The following PHF14 variants were observed in gnomAD, a reference collection of about 807,000 sequenced individuals.
PHF14 encodes PHD finger protein 14.
In PHF14, 55 loss-of-function variants were observed where a neutral mutation model predicts 117.9. The observed-to-expected ratio is 0.47, with a 90% CI of 0.38 to 0.58. The LOEUF (loss-of-function observed/expected upper bound fraction) is 0.58, where lower values mean the gene tolerates loss of function less well. Among genes scored for constraint, PHF14 ranks in the 20% least tolerant of loss-of-function variants. The pLI is 0.00. For synonymous variants in PHF14, 409 were observed against 368.6 expected (o/e 1.11, Z -1.26); for missense variants, 978 against 1,122.2 (o/e 0.87, Z 1.84).
intron 13 of PHF14, among the ~76,000 whole-genome samples, chr7:11,051,332 C>T (rs1252187964): frequency 6.6e-6 from 1 of 151,968 alleles, no homozygotes; most frequent in East Asian, 1.9e-4. Context: ...CCTTTTTAAT[C>T]AGTGTTGAAT....
chr7:10,993,620 G>A (rs1782534900), intron 4 of PHF14, among the ~76,000 whole-genome samples: 1 of 152,172 alleles, frequency 6.6e-6, no homozygotes, highest in African/African-American at 2.4e-5. Context: ...TTAGTTGGTG[G>A]CCCAGATTCT....
chr7:11,150,173 C>G (rs1331689719), intron 17 of PHF14, among the ~76,000 whole-genome samples: 1 of 152,014 alleles, frequency 6.6e-6, no homozygotes, highest in Non-Finnish European at 1.5e-5. Context: ...TTGGTCACAT[C>G]TGGTAAGAAG....
intron 16 of PHF14, among the ~76,000 whole-genome samples, chr7:11,098,302 TC>T (rs1193666682): frequency 6.6e-6 from 1 of 152,192 alleles, no homozygotes; most frequent in Non-Finnish European, 1.5e-5. Context: ...TCTTTTCCTT[TC>T]CCATTCCTAT....
chr7:11,102,463 T>G, intron 16 of PHF14: 1 of 1,608,420 alleles, frequency 6.2e-7, no homozygotes, highest in South Asian at 1.1e-5. Flanking sequence ...TTAATGTTCT[T>G]TTCTTATCAC....
At chr7:11,086,322 G>C (rs1562458884) in intron 16 of PHF14, among the ~76,000 whole-genome samples, 3 of 152,100 alleles carry the variant, frequency 2.0e-5, no homozygotes, top group African/African-American at 7.2e-5. Context: ...TTCATTTCCA[G>C]CTGTTCACAG....
At chr7:10,988,403 C>T (rs1186103873) in intron 3 of PHF14, among the ~76,000 whole-genome samples, 2 of 152,046 alleles carry the variant, frequency 1.3e-5, no homozygotes, top group East Asian at 3.9e-4. Flanking sequence ...TACTTGTTTC[C>T]CATATGGGTA....
Position 10,990,840 on chromosome 7 carries a change from C to T in PHF14, c.1038C>T (p.Val346=), listed in dbSNP as rs1337869852. Residue 346 remains valine (V), a synonymous_variant, in exon 4 of 18, where the codon GTC becomes GTT. Coordinates refer to ENST00000634607, the MANE Select transcript of PHF14 (RefSeq NM_001007157.2). ...IIQCDNCGIT[V]HEGCYGVDGE... is the part of the protein sequence containing the mutation. ...AGTGTGACAATTGTGGCATTACAGTCCATGAAGGTAATGTTGCTTTCTTTT... is the reference window on the plus strand; with the variant it reads ...AGTGTGACAATTGTGGCATTACAGTTCATGAAGGTAATGTTGCTTTCTTTT... 1.3e-6 allele frequency: 2 copies of T among 1,581,812 alleles called. No individual in the cohort carries two copies. Among genetic ancestry groups the T allele is most frequent in the Non-Finnish European group, 8.6e-7 (1 of 1,162,372 alleles).
intron 16 of PHF14, among the ~76,000 whole-genome samples, chr7:11,066,770 T>C (rs1285789200): frequency 6.6e-6 from 1 of 152,218 alleles, no homozygotes; most frequent in Non-Finnish European, 1.5e-5. Flanking sequence ...TTATATTCCA[T>C]TGAGTTATGT....
intron 17 of PHF14, among the ~76,000 whole-genome samples, chr7:11,125,380 G>A (rs944626913): frequency 3.3e-5 from 5 of 152,010 alleles, no homozygotes; most frequent in African/African-American, 1.2e-4. Context: ...GGCAGTTTTT[G>A]TATGTTTTTA....
intron 17 of PHF14, among the ~76,000 whole-genome samples, chr7:11,137,029 C>CAA (rs1413841816): frequency 6.6e-6 from 1 of 152,108 alleles, no homozygotes; most frequent in African/African-American, 2.4e-5. Flanking sequence ...TCAGTGGGGA[C>CAA]AAACATTGGT....
At chr7:11,041,452 G>A (rs1784503069) in intron 12 of PHF14, among the ~76,000 whole-genome samples, 1 of 151,050 alleles carries the variant, frequency 6.6e-6, no homozygotes, top group African/African-American at 2.4e-5. Flanking sequence ...GTATGTATGT[G>A]TGTGTATATT....
chr7:11,028,641 A>C, intron 6 of PHF14, 40 bp from the exon 7 acceptor site: 1 of 1,603,028 alleles, frequency 6.2e-7, no homozygotes, highest in South Asian at 1.1e-5. Flanking sequence ...TAGTCTGGAA[A>C]TAAGTTTGCT....
chr7:11,105,746 T>C (rs1039699303), intron 16 of PHF14: 9 of 984,778 alleles, frequency 9.1e-6, no homozygotes, highest in Non-Finnish European at 8.4e-6. Context: ...CTTTAAGGCT[T>C]TCTGTAGGCC....
At chr7:11,019,933 A>G (rs1447434709) in intron 5 of PHF14, among the ~76,000 whole-genome samples, 1 of 152,098 alleles carries the variant, frequency 6.6e-6, no homozygotes, top group Non-Finnish European at 1.5e-5. Context: ...TGTTTCCATT[A>G]CTATTCGTCA....
rs189926915 is a variant in PHF14, at chr7:11,100,163, A to G, written c.2655-11187A>G. Among the ~76,000 whole-genome samples, 8 of 152,136 alleles carry G rather than the reference A, an allele frequency of 5.3e-5. No homozygotes were observed. In the East Asian group the frequency reaches 1.5e-3, roughly 29 times the overall value. Reference sequence around the variant, plus strand: ...AGGTTTTCATTTGTATTGATTTTATATTTCTTTGGACATATGAAATAGACA... The same window carrying G: ...AGGTTTTCATTTGTATTGATTTTATGTTTCTTTGGACATATGAAATAGACA... On this transcript the variant is annotated intron_variant, in intron 16 of 17. Transcript: ENST00000634607.
chr7:10,987,130 A>G (rs1328454689), intron 3 of PHF14, among the ~76,000 whole-genome samples: 2 of 152,186 alleles, frequency 1.3e-5, no homozygotes, highest in Admixed American at 6.5e-5. Context: ...CTTATTAATC[A>G]GTTGTCTTTT....
At chr7:11,015,292 A>T (rs980790175) in intron 5 of PHF14, 3 of 152,192 alleles carry the variant, frequency 2.0e-5, no homozygotes, top group African/African-American at 7.2e-5. Context: ...TTGCCATACA[A>T]GATTGCTGGG....
At chr7:11,094,117 C>T (rs1407690725) in intron 16 of PHF14, among the ~76,000 whole-genome samples, 2 of 152,166 alleles carry the variant, frequency 1.3e-5, no homozygotes, top group Non-Finnish European at 2.9e-5. Context: ...TCTACACTGC[C>T]AACCAGTGAA....
chr7:10,975,582 G>A (rs557829809), intron 2 of PHF14, among the ~76,000 whole-genome samples: 15 of 152,016 alleles, frequency 9.9e-5, no homozygotes, highest in Non-Finnish European at 2.2e-4. Flanking sequence ...ATTTTCCTTT[G>A]TATTTTCTGT....
Sources: gnomAD v4.1 joint callset for allele counts (sites outside exome capture counted in the v4.1 genomes callset) on GRCh38, gnomAD v4.1.1 for gene constraint, MANE v1.5 for transcripts, NCBI Gene and HGNC (gene_info 2026-07-23, HGNC 2026-07-21) for gene names.